Variants in ZNF670 observed in about 807,000 individuals in gnomAD.
The protein encoded by ZNF670 is zinc finger protein 670.
In ZNF670, 7 loss-of-function variants were observed where a neutral mutation model predicts 10.9. That is an observed-to-expected ratio of 0.64 (90% CI 0.36 to 1.20). The LOEUF is 1.20. ZNF670 is among the 50% of genes most tolerant of loss of function. ZNF670 has a pLI of 0.02. For missense variants in ZNF670, 446 were observed against 458.6 expected, an observed-to-expected ratio of 0.97 and a Z score of 0.25; for synonymous variants, 136 against 152.7, an observed-to-expected ratio of 0.89 and a Z score of 0.81.
intron 1 of ZNF670, among the ~76,000 whole-genome samples, chr1:247,073,407 A>G (rs1671183464): frequency 6.7e-6 from 1 of 149,314 alleles, no homozygotes; most frequent in African/African-American, 2.5e-5. Context: ...AGTGAAGGCA[A>G]GCTTGGGGGC....
intron 1 of ZNF670, among the ~76,000 whole-genome samples, chr1:247,077,047 T>C (rs1005936610): frequency 1.3e-5 from 2 of 152,262 alleles, no homozygotes; most frequent in East Asian, 1.9e-4. Flanking sequence ...TCCTTTGAGA[T>C]AGTTTTTCTC....
rs779312869 is a variant in ZNF670 at position 247,037,549 on chromosome 1, C to A, written c.1070G>T (p.Arg357Met). 3 of 1,614,118 alleles carry A rather than the reference C, an allele frequency of 1.9e-6. No individual in the cohort carries two copies. The Admixed American group carries it at 5.0e-5, about 27-fold the overall frequency. ...TSSSALRSHE[R>M]THTGEKPYEC... Reference sequence around the variant, plus strand: ...ATAGGGTTTTTCTCCAGTATGAGTCCTTTCATGGCTTCGAAGGGCACTGGA... The same window carrying A: ...ATAGGGTTTTTCTCCAGTATGAGTCATTTCATGGCTTCGAAGGGCACTGGA... The change falls in exon 4 of 4, where the codon AGG (arginine) becomes ATG (methionine). Residue 357 changes from arginine (R) to methionine (M), a missense_variant. By Grantham distance (91) the Arg-to-Met change is moderately conservative (BLOSUM62 -1). Coordinates refer to ENST00000366503, the MANE Select transcript of ZNF670 (RefSeq NM_033213.5).
At chr1:247,049,024 T>C (rs7512150) in intron 1 of ZNF670, among the ~76,000 whole-genome samples, 53,759 of 151,836 alleles carry the variant, frequency 0.35, 10,978 homozygotes, top group African/African-American at 0.55. Context: ...TTTGTGCACA[T>C]AAAGTTGTTG....
At chr1:247,067,630 C>T (rs1671016632) in intron 1 of ZNF670, among the ~76,000 whole-genome samples, 1 of 146,070 alleles carries the variant, frequency 6.8e-6, no homozygotes, top group African/African-American at 2.5e-5. Flanking sequence ...ATCACGAGGT[C>T]AGGAGATCGA....
intron 1 of ZNF670, chr1:247,042,901 G>T (rs1670350984): frequency 1.5e-6 from 1 of 663,482 alleles, no homozygotes. Flanking sequence ...GAGTGATAAA[G>T]AATTACTCCC....
At chr1:247,063,048 G>A (rs911838355) in intron 1 of ZNF670, among the ~76,000 whole-genome samples, 1 of 152,208 alleles carries the variant, frequency 6.6e-6, no homozygotes. Flanking sequence ...CTGCGCTTAG[G>A]TAAAATAAAA....
rs12021503 is a variant in ZNF670 at position 247,050,774 on chromosome 1, G to A, written c.4-11237C>T. ...CAGGCATGAGCCACCGTGCCCAGTG[G>A]TGAATTCTTATCCATTCTGCCATTT... is the stretch of plus-strand genomic sequence containing the variant. On this transcript the variant is annotated intron_variant, in intron 1 of 3. Coordinates refer to ENST00000366503, the MANE Select transcript of ZNF670 (RefSeq NM_033213.5). Among the ~76,000 whole-genome samples the A allele has an allele frequency of 1.3e-3, 205 of 152,092 alleles. 4 individuals carry two copies. The East Asian group carries it at 0.037, about 27-fold the overall frequency.
chr1:247,049,752 C>T (rs1670548195), intron 1 of ZNF670, among the ~76,000 whole-genome samples: 5 of 152,186 alleles, frequency 3.3e-5, no homozygotes, highest in Admixed American at 2.0e-4. Context: ...AGTGTTTAAA[C>T]TTCTATCTTG....
At chr1:247,056,928 T>C (rs541175342) in intron 1 of ZNF670, among the ~76,000 whole-genome samples, 4 of 152,188 alleles carry the variant, frequency 2.6e-5, no homozygotes, top group Admixed American at 1.3e-4. Flanking sequence ...CTTCAGGACA[T>C]TGAACTGGGC....
chr1:247,058,638 A>G (rs1670776699), intron 1 of ZNF670, among the ~76,000 whole-genome samples: 1 of 152,016 alleles, frequency 6.6e-6, no homozygotes, highest in Non-Finnish European at 1.5e-5. Flanking sequence ...AACAAGGGAG[A>G]AAGACAAAAG....
chr1:247,076,965 C>A (rs1385300631), intron 1 of ZNF670, among the ~76,000 whole-genome samples: 2 of 152,266 alleles, frequency 1.3e-5, no homozygotes, highest in East Asian at 3.9e-4. Context: ...CCAGCCAACT[C>A]TCTTCTTACA....
chr1:247,076,038 A>G (rs1304749020), intron 1 of ZNF670, among the ~76,000 whole-genome samples: 1 of 152,184 alleles, frequency 6.6e-6, no homozygotes, highest in African/African-American at 2.4e-5. Flanking sequence ...AACATATTTT[A>G]AAGTTAATGA....
chr1:247,056,847 C>G (rs1208933439), intron 1 of ZNF670, among the ~76,000 whole-genome samples: 1 of 152,132 alleles, frequency 6.6e-6, no homozygotes, highest in Non-Finnish European at 1.5e-5. Context: ...AAAACAAAAT[C>G]AAAATGGATT....
At chr1:247,051,640 G>T (rs923290517) in intron 1 of ZNF670, among the ~76,000 whole-genome samples, 3 of 152,122 alleles carry the variant, frequency 2.0e-5, no homozygotes, top group Admixed American at 1.3e-4. Context: ...TGAGCTTCTT[G>T]TATTTGGATG....
chr1:247,047,375 C>G (rs1417032265), intron 1 of ZNF670, among the ~76,000 whole-genome samples: 1 of 151,150 alleles, frequency 6.6e-6, no homozygotes, highest in Non-Finnish European at 1.5e-5. Context: ...GCAGAGGTTC[C>G]CAAACCTCAA....
At chr1:247,076,274 T>G (rs567786429) in intron 1 of ZNF670, among the ~76,000 whole-genome samples, 15 of 150,262 alleles carry the variant, frequency 1.0e-4, no homozygotes, top group South Asian at 4.2e-4. Flanking sequence ...TTTTTTTTTT[T>G]GGGACGGAGT....
chr1:247,047,659 A>C (rs1255590026), intron 1 of ZNF670, among the ~76,000 whole-genome samples: 2 of 152,200 alleles, frequency 1.3e-5, no homozygotes, highest in South Asian at 4.1e-4. Flanking sequence ...TTCTGCCTAG[A>C]CGTCCGGGCA....
intron 1 of ZNF670, among the ~76,000 whole-genome samples, chr1:247,070,430 C>T (rs777106109): frequency 1.2e-4 from 18 of 152,178 alleles, no homozygotes; most frequent in Admixed American, 5.2e-4. Flanking sequence ...GAGATCACGC[C>T]ACTGCACTCC....
chr1:247,043,136 C>T lies in ZNF670; in HGVS notation c.4-3599G>A, dbSNP rs1670358095. 4.3e-6 allele frequency: 4 copies of T among 921,194 alleles called. No individual in the cohort carries two copies. In the East Asian group the frequency reaches 1.1e-4, roughly 26 times the overall value. 57.1% of individuals were successfully genotyped at this position (921,194 alleles called of 1,614,324 possible). ...TTTGACACTGACATGACAGACATGA[C>T]AATGTGAGGAGATGCTGTAGTTCTG... On this transcript the variant is annotated intron_variant, in intron 1 of 3. Transcript: ENST00000366503.
Sources: gnomAD v4.1 joint callset for allele counts (sites outside exome capture counted in the v4.1 genomes callset) on GRCh38, gnomAD v4.1.1 for gene constraint, MANE v1.5 for transcripts, NCBI Gene and HGNC (gene_info 2026-07-23, HGNC 2026-07-21) for gene names.